Variants in PMP22 observed in about 807,000 individuals in gnomAD.
PMP22 encodes the protein Charcot-Marie-Tooth neuropathy 1A (greatly reduced nerve conduction velocity, hereditary motor sensory neuropathy Ia).
In PMP22, 2 loss-of-function variants were observed where a neutral mutation model predicts 18.9. The observed-to-expected ratio is 0.11, with a 90% CI of 0.04 to 0.33. The LOEUF (loss-of-function observed/expected upper bound fraction) is 0.33. Ranked by LOEUF, PMP22 falls within the 10% of genes least tolerant of loss-of-function variation. The pLI is 1.00. For missense variants in PMP22, 169 were observed against 202.2 expected (o/e 0.84, Z 1.00); for synonymous variants, 95 against 89.2 (o/e 1.07, Z -0.37).
intron 4 of PMP22, among the ~76,000 whole-genome samples, chr17:15,238,202 A>G (rs1228832650): frequency 6.6e-6 from 1 of 152,188 alleles, no homozygotes; most frequent in Non-Finnish European, 1.5e-5. Context: ...TGGTTTTGAA[A>G]TCTCAAAACC....
intron 1 of PMP22, chr17:15,260,967 C>G: frequency 6.0e-6 from 2 of 331,746 alleles, no homozygotes; most frequent in Non-Finnish European, 1.1e-5. Flanking sequence ...CAGTGCCCAG[C>G]GCCCAGCCGG....
chr17:15,241,496 G>A (rs1195221314), intron 3 of PMP22, among the ~76,000 whole-genome samples: 2 of 152,126 alleles, frequency 1.3e-5, no homozygotes, highest in Non-Finnish European at 2.9e-5. Context: ...TATGGCTGGT[G>A]GAGACAATAT....
intron 4 of PMP22, among the ~76,000 whole-genome samples, chr17:15,233,816 T>C (rs1201914038): frequency 1.3e-5 from 2 of 152,186 alleles, no homozygotes; most frequent in South Asian, 2.1e-4. Context: ...CCCAAGAGCA[T>C]AGACGGGCGC....
intron 4 of PMP22, among the ~76,000 whole-genome samples, chr17:15,233,911 G>C (rs1036202434): frequency 6.6e-5 from 10 of 152,194 alleles, no homozygotes; most frequent in African/African-American, 2.2e-4. Context: ...GAAAGAGAGG[G>C]CCTTACATGA....
intron 4 of PMP22, among the ~76,000 whole-genome samples, chr17:15,235,016 C>T (rs780484698): frequency 2.2e-4 from 33 of 152,130 alleles, no homozygotes; most frequent in Admixed American, 4.6e-4. Context: ...GATGGCATCT[C>T]GCTTTGTTGC....
At chr17:15,250,100 A>G (rs1018013802) in intron 3 of PMP22, among the ~76,000 whole-genome samples, 2 of 152,104 alleles carry the variant, frequency 1.3e-5, no homozygotes, top group Non-Finnish European at 2.9e-5. Context: ...TTGTATTTTT[A>G]GTAGAGACAG....
At position 15,260,765 on chromosome 17, in the gene PMP22, C is replaced by A. The variant is rs1022463378; in HGVS notation, c.-34-4G>T. 5 of 1,522,064 alleles carry A rather than the reference C, an allele frequency of 3.3e-6. No homozygotes were observed. Among genetic ancestry groups the A allele is most frequent in the African/African-American group, 1.4e-5 (1 of 72,534 alleles). 94.3% of individuals were successfully genotyped at this position (1,522,064 alleles called of 1,614,324 possible). ...TTCTGCTCAGCGGAGTTTCTGCCTG[C>A]GAGGAGAGCGCTGGGCGTGAGGCCG... On this transcript the variant is annotated splice_region_variant and splice_polypyrimidine_tract_variant and intron_variant, in intron 1 of 4. Transcript: ENST00000312280.
intron 3 of PMP22, among the ~76,000 whole-genome samples, chr17:15,243,472 T>C (rs1257522464): frequency 1.3e-5 from 2 of 151,672 alleles, no homozygotes; most frequent in Non-Finnish European, 2.9e-5. Flanking sequence ...AAATTTGAAG[T>C]AAACACAACA....
chr17:15,261,889 G>A lies in PMP22; in HGVS notation c.-34-1128C>T, dbSNP rs1909372671. The A allele has an allele frequency of 6.6e-6, 1 of 152,200 alleles. No homozygotes were observed. The highest frequency in any genetic ancestry group is 2.1e-4 in the South Asian group (1 of 4,832). The allele number at this position is 152,200 out of a possible 1,614,324, so 9.4% of individuals were successfully genotyped here. ...TGGGGACCATTTTAGGCAGAGTCTT[G>A]GGCCAGGGAGACAACGTTTCAATAA... On this transcript the variant is annotated intron_variant, in intron 1 of 4. Coordinates refer to ENST00000312280, the MANE Select transcript of PMP22 (RefSeq NM_000304.4). The surrounding 1 kb of genome is among the most constrained non-coding windows in gnomAD (Gnocchi z 5.2).
intron 1 of PMP22, among the ~76,000 whole-genome samples, chr17:15,264,749 T>C (rs1200369523): frequency 6.6e-6 from 1 of 152,180 alleles, no homozygotes; most frequent in Non-Finnish European, 1.5e-5. Flanking sequence ...TGCTACTCAG[T>C]GCCTGCTGAC....
intron 4 of PMP22, among the ~76,000 whole-genome samples, chr17:15,233,608 C>T (rs1906538900): frequency 6.6e-6 from 1 of 152,226 alleles, no homozygotes; most frequent in Non-Finnish European, 1.5e-5. Context: ...TTATCATCTC[C>T]ATTCCCTTTG....
intron 3 of PMP22, among the ~76,000 whole-genome samples, chr17:15,256,154 C>G (rs1462416729): frequency 6.6e-6 from 1 of 151,360 alleles, no homozygotes; most frequent in Non-Finnish European, 1.5e-5. Context: ...AAATCTAAAA[C>G]TATTTCTAAT....
intron 3 of PMP22, among the ~76,000 whole-genome samples, chr17:15,241,251 A>T (rs80296801): frequency 0.022 from 3,278 of 152,296 alleles, 117 homozygotes; most frequent in African/African-American, 0.075. Context: ...TCACTCTTAC[A>T]TAACCTTAAT....
intron 3 of PMP22, among the ~76,000 whole-genome samples, chr17:15,251,109 CA>C: frequency 6.6e-6 from 1 of 152,306 alleles, no homozygotes; most frequent in Non-Finnish European, 1.5e-5. Context: ...CTCCTTTCTT[CA>C]GCTAACTCAG....
intron 4 of PMP22, among the ~76,000 whole-genome samples, chr17:15,234,222 G>A (rs999953032): frequency 6.6e-6 from 1 of 152,196 alleles, no homozygotes; most frequent in Non-Finnish European, 1.5e-5. Context: ...ACCGCCTGGT[G>A]TGTTCACTCA....
At chr17:15,247,437 T>A (rs1040596279) in intron 3 of PMP22, among the ~76,000 whole-genome samples, 1 of 152,188 alleles carries the variant, frequency 6.6e-6, no homozygotes, top group African/African-American at 2.4e-5. Flanking sequence ...GTGTCCGGTA[T>A]AAGAGCTGCT....
chr17:15,231,458 T>A (rs1039672174), intron 4 of PMP22, among the ~76,000 whole-genome samples: 2 of 152,188 alleles, frequency 1.3e-5, no homozygotes, highest in African/African-American at 4.8e-5. Context: ...CCTGGAAATC[T>A]ATATGCCACT....
At chr17:15,257,544 G>A (rs764436036) in intron 3 of PMP22, among the ~76,000 whole-genome samples, 17 of 152,234 alleles carry the variant, frequency 1.1e-4, no homozygotes, top group Non-Finnish European at 2.1e-4. Flanking sequence ...AGCGAGTACG[G>A]AGACTCCCAT....
Position 15,231,175 on chromosome 17 carries a change from A to G in PMP22, c.320-95T>C. The G allele has an allele frequency of 3.3e-6, 4 of 1,226,854 alleles. No homozygotes were observed. In the South Asian group the frequency reaches 4.9e-5, roughly 15 times the overall value. The allele number at this position is 1,226,854 out of a possible 1,614,324, so 76.0% of individuals were successfully genotyped here. On this transcript the variant is annotated intron_variant, in intron 4 of 4. Transcript: ENST00000312280. ...GGATGCTGACAATTGCTGGGTAGGA[A>G]GAACATTTCTACCTCTGGAAGGAAA...
Sources: gnomAD v4.1 joint callset for allele counts (sites outside exome capture counted in the v4.1 genomes callset) on GRCh38, gnomAD v4.1.1 for gene constraint, Gnocchi (gnomAD v3.1) non-coding constraint, MANE v1.5 for transcripts, NCBI Gene and HGNC (gene_info 2026-07-23, HGNC 2026-07-21) for gene names.